The following PRKD1 variants were observed in gnomAD, a reference collection of about 807,000 sequenced individuals.
PRKD1 encodes protein kinase D1, also known as serine/threonine-protein kinase D1.
PRKD1 carries 63 observed loss-of-function variants against 95.9 expected under a neutral mutation model. The observed-to-expected ratio is 0.66, with a 90% CI of 0.54 to 0.81. The LOEUF (loss-of-function observed/expected upper bound fraction) is 0.81. PRKD1 is among the 30% of genes least tolerant of loss of function. PRKD1 has a pLI of 0.00. For synonymous variants in PRKD1, 425 were observed against 423.1 expected (o/e 1.00, Z -0.05); for missense variants, 1,048 against 1,165.3 (o/e 0.90, Z 1.47).
chr14:29,904,617 CTATTA>C (rs1185932434), intron 1 of PRKD1, among the ~76,000 whole-genome samples: 1 of 152,020 alleles, frequency 6.6e-6, no homozygotes, highest in Non-Finnish European at 1.5e-5. Flanking sequence ...GCAATAATTG[CTATTA>C]TATTTTAACT....
At chr14:29,848,363 C>T (rs571161496) in intron 1 of PRKD1, among the ~76,000 whole-genome samples, 2 of 152,010 alleles carry the variant, frequency 1.3e-5, no homozygotes, top group African/African-American at 2.4e-5. Context: ...GTACTCTTCC[C>T]ACTCCACCCA....
intron 1 of PRKD1, among the ~76,000 whole-genome samples, chr14:29,923,140 A>T (rs961999050): frequency 1.3e-5 from 2 of 150,772 alleles, no homozygotes; most frequent in Non-Finnish European, 3.0e-5. Flanking sequence ...CTGAGGTGAG[A>T]GGATCACTTA....
At chr14:29,724,543 C>T (rs1227072482) in intron 2 of PRKD1, among the ~76,000 whole-genome samples, 1 of 152,164 alleles carries the variant, frequency 6.6e-6, no homozygotes, top group Non-Finnish European at 1.5e-5. Context: ...GGATCTCACA[C>T]AACTGTAGGC....
chr14:29,692,755 T>C (rs1339775095), intron 2 of PRKD1, among the ~76,000 whole-genome samples: 3 of 152,174 alleles, frequency 2.0e-5, no homozygotes, highest in Non-Finnish European at 2.9e-5. Context: ...TCCTTCCCCT[T>C]TGCCCTTTCA....
At chr14:29,690,573 T>C (rs1884170907) in intron 2 of PRKD1, among the ~76,000 whole-genome samples, 1 of 152,144 alleles carries the variant, frequency 6.6e-6, no homozygotes. Context: ...TGCTTCAATG[T>C]CTCTTTCCCC....
At chr14:29,811,745 C>G (rs2139244507) in intron 1 of PRKD1, among the ~76,000 whole-genome samples, 1 of 152,306 alleles carries the variant, frequency 6.6e-6, no homozygotes, top group South Asian at 2.1e-4. Flanking sequence ...TGAACCAAGA[C>G]TTCAAGTCTT....
rs932356129 is a variant in PRKD1, at chr14:29,777,405, C to T, written c.265-51731G>A. Among the ~76,000 whole-genome samples, 85 of 152,110 alleles carry T rather than the reference C, an allele frequency of 5.6e-4. 1 individual carries two copies. The highest frequency in any genetic ancestry group is 2.0e-3 in the African/African-American group (82 of 41,486). On this transcript the variant is annotated intron_variant, in intron 1 of 17. Transcript: ENST00000331968. ...TGCTGTATTCAGGAAACCCATCTCA[C>T]GTGCAGAGATACACATAGGCTCAAA... is the stretch of plus-strand genomic sequence containing the variant.
At chr14:29,829,545 G>A (rs1891323175) in intron 1 of PRKD1, among the ~76,000 whole-genome samples, 1 of 152,126 alleles carries the variant, frequency 6.6e-6, no homozygotes, top group African/African-American at 2.4e-5. Context: ...TTCTAATGCA[G>A]AGGGGAAGAA....
At chr14:29,706,675 C>G (rs954354191) in intron 2 of PRKD1, among the ~76,000 whole-genome samples, 2 of 152,070 alleles carry the variant, frequency 1.3e-5, no homozygotes, top group African/African-American at 2.4e-5. Flanking sequence ...GCTTTAGTAT[C>G]TCATATAATC....
chr14:29,644,858 A>C (rs1881025300), intron 4 of PRKD1, among the ~76,000 whole-genome samples: 1 of 152,064 alleles, frequency 6.6e-6, no homozygotes, highest in Non-Finnish European at 1.5e-5. Flanking sequence ...TCATTTATTT[A>C]TACCTCATGT....
At chr14:29,806,451 G>T (rs1185449501) in intron 1 of PRKD1, among the ~76,000 whole-genome samples, 3 of 148,652 alleles carry the variant, frequency 2.0e-5, no homozygotes, top group African/African-American at 7.7e-5. Flanking sequence ...CAGGTTGCAG[G>T]AGAAAAAAAA....
At chr14:29,857,978 C>G (rs1197223046) in intron 1 of PRKD1, among the ~76,000 whole-genome samples, 3 of 152,102 alleles carry the variant, frequency 2.0e-5, no homozygotes, top group African/African-American at 4.8e-5. Flanking sequence ...AACATGGGTT[C>G]AAGGAGATTC....
At chr14:29,677,535 A>T (rs1450022932) in intron 2 of PRKD1, among the ~76,000 whole-genome samples, 2 of 152,194 alleles carry the variant, frequency 1.3e-5, no homozygotes, top group Non-Finnish European at 2.9e-5. Flanking sequence ...TTCCTACAGA[A>T]TGTTAAATAC....
At chr14:29,630,042 T>TCCC (rs1879885898) in intron 10 of PRKD1, among the ~76,000 whole-genome samples, 1 of 149,240 alleles carries the variant, frequency 6.7e-6, no homozygotes, top group East Asian at 2.0e-4. Context: ...CTTCTCCCTC[T>TCCC]TCTTTTTCTT....
intron 1 of PRKD1, among the ~76,000 whole-genome samples, chr14:29,845,242 A>G (rs1892034792): frequency 6.6e-6 from 1 of 152,224 alleles, no homozygotes; most frequent in Non-Finnish European, 1.5e-5. Flanking sequence ...CTGGTCTGTA[A>G]AGAAAATGCT....
intron 13 of PRKD1, among the ~76,000 whole-genome samples, chr14:29,621,311 A>G (rs925525523): frequency 3.3e-5 from 5 of 151,664 alleles, no homozygotes; most frequent in Non-Finnish European, 5.9e-5. Context: ...CCTGCACATT[A>G]TGCACGTGTA....
intron 1 of PRKD1, among the ~76,000 whole-genome samples, chr14:29,734,549 T>C (rs1253232431): frequency 6.6e-6 from 1 of 152,194 alleles, no homozygotes; most frequent in African/African-American, 2.4e-5. Flanking sequence ...AGTTCATTCC[T>C]AGTACTAACG....
intron 1 of PRKD1, among the ~76,000 whole-genome samples, chr14:29,827,681 A>C (rs1891251212): frequency 6.6e-6 from 1 of 151,804 alleles, no homozygotes; most frequent in African/African-American, 2.4e-5. Context: ...ACACTACCTT[A>C]GAATACAGCC....
At chr14:29,602,505 C>CT (rs1388720011) in intron 13 of PRKD1, among the ~76,000 whole-genome samples, 3 of 151,360 alleles carry the variant, frequency 2.0e-5, no homozygotes, top group African/African-American at 7.3e-5. Flanking sequence ...TCTCGGCTCA[C>CT]CACAACCTCT....
Sources: allele counts gnomAD v4.1 joint callset (sites outside exome capture counted in the v4.1 genomes callset), GRCh38; gene constraint gnomAD v4.1.1; transcripts MANE v1.5; gene names NCBI Gene and HGNC (gene_info 2026-07-23, HGNC 2026-07-21).